Variants in RABGAP1L observed in about 807,000 individuals in gnomAD.
RABGAP1L encodes the protein RAB GTPase activating protein 1 like.
Under a neutral mutation model 137.7 loss-of-function variants are expected in RABGAP1L, and 63 were observed. The observed-to-expected ratio is 0.46, with a 90% CI of 0.37 to 0.56. The LOEUF (loss-of-function observed/expected upper bound fraction) is 0.56, where lower values mean the gene tolerates loss of function less well. RABGAP1L is among the 20% of genes least tolerant of loss of function. The pLI is 0.00. For synonymous variants in RABGAP1L, 431 were observed against 433.7 expected (o/e 0.99, Z 0.08); for missense variants, 1,095 against 1,244.0 (o/e 0.88, Z 1.80).
chr1:174,496,693 G>A (rs956683065), intron 13 of RABGAP1L, among the ~76,000 whole-genome samples: 9 of 152,168 alleles, frequency 5.9e-5, no homozygotes, highest in African/African-American at 1.7e-4. Context: ...ACTAGCACGC[G>A]TGTCCTCTCC....
At chr1:174,444,602 A>G (rs1376184074) in intron 13 of RABGAP1L, among the ~76,000 whole-genome samples, 1 of 152,014 alleles carries the variant, frequency 6.6e-6, no homozygotes. Context: ...ACTTTTTATT[A>G]TTGCTTCAAT....
intron 18 of RABGAP1L, among the ~76,000 whole-genome samples, chr1:174,783,707 CT>C (rs34367315): frequency 6.0e-4 from 61 of 102,468 alleles, no homozygotes; most frequent in African/African-American, 6.5e-4. Flanking sequence ...TCTTCTTCTT[CT>C]TTTTTTTTTT....
intron 13 of RABGAP1L, among the ~76,000 whole-genome samples, chr1:174,496,807 A>G (rs930718613): frequency 2.6e-5 from 4 of 152,168 alleles, no homozygotes; most frequent in Non-Finnish European, 4.4e-5. Context: ...CTTTTTATGG[A>G]AAGATTGTTT....
intron 11 of RABGAP1L, among the ~76,000 whole-genome samples, chr1:174,329,796 C>A (rs1331649663): frequency 1.3e-5 from 2 of 151,030 alleles, no homozygotes. Context: ...AAGCTTCCAG[C>A]AAATTATGTT....
At chr1:174,853,194 T>A (rs943608312) in intron 19 of RABGAP1L, among the ~76,000 whole-genome samples, 11 of 149,780 alleles carry the variant, frequency 7.3e-5, no homozygotes, top group African/African-American at 2.5e-4. Flanking sequence ...CATAATATGA[T>A]AAGAATGCCA....
At chr1:174,296,336 C>T (rs905632613) in intron 10 of RABGAP1L, among the ~76,000 whole-genome samples, 1 of 152,182 alleles carries the variant, frequency 6.6e-6, no homozygotes, top group African/African-American at 2.4e-5. Flanking sequence ...AAAAGAGATG[C>T]TGGGTACAAA....
chr1:174,449,076 G>GCGTTTTC, intron 13 of RABGAP1L: 1 of 1,614,084 alleles, frequency 6.2e-7, no homozygotes, highest in East Asian at 2.2e-5. Context: ...CTCTCCAACA[G>GCGTTTTC]CGTTTTCCGG....
intron 13 of RABGAP1L, among the ~76,000 whole-genome samples, chr1:174,529,764 A>G (rs532935164): frequency 6.6e-6 from 1 of 152,094 alleles, no homozygotes; most frequent in East Asian, 1.9e-4. Context: ...TTGCTTTCAT[A>G]TTGGGTTGCT....
Position 174,752,297 on chromosome 1 carries a change from T to C in RABGAP1L, c.2170-16T>C. 2.5e-6 allele frequency: 4 copies of C among 1,569,846 alleles called. No homozygotes were observed. Among genetic ancestry groups the C allele is most frequent in the Non-Finnish European group, 3.5e-6 (4 of 1,152,152 alleles). ...CATGTGGCAGTACTAATCTTCACTT[T>C]CTTTTTCTATTTCAGGGTTTGAACA... On this transcript the variant is annotated splice_polypyrimidine_tract_variant and intron_variant, in intron 17 of 25. Transcript: ENST00000681986.
At chr1:174,660,407 C>T (rs762210862) in intron 14 of RABGAP1L, among the ~76,000 whole-genome samples, 1 of 152,140 alleles carries the variant, frequency 6.6e-6, no homozygotes, top group Non-Finnish European at 1.5e-5. Flanking sequence ...CACACGATTC[C>T]CTTGCCCAGC....
At chr1:174,641,100 C>G (rs991991206) in intron 14 of RABGAP1L, among the ~76,000 whole-genome samples, 8 of 151,574 alleles carry the variant, frequency 5.3e-5, no homozygotes, top group African/African-American at 1.7e-4. Flanking sequence ...GGAGCCTACA[C>G]TGGAGATATA....
At chr1:174,711,179 G>C (rs1409873263) in intron 17 of RABGAP1L, among the ~76,000 whole-genome samples, 2 of 151,884 alleles carry the variant, frequency 1.3e-5, no homozygotes, top group African/African-American at 4.8e-5. Context: ...ACGCTGGCCC[G>C]CAAGTGCCAT....
At chr1:174,464,045 G>A (rs889852478) in intron 13 of RABGAP1L, among the ~76,000 whole-genome samples, 10 of 152,040 alleles carry the variant, frequency 6.6e-5, no homozygotes, top group Non-Finnish European at 1.5e-4. Context: ...TTATTTGATA[G>A]CATTTACTAT....
Position 174,599,026 on chromosome 1 carries a change from C to T in RABGAP1L, c.1711-38349C>T, listed in dbSNP as rs911780539. Among the ~76,000 whole-genome samples the T allele has an allele frequency of 5.3e-5, 8 of 151,840 alleles. No homozygotes were observed. In the South Asian group the frequency reaches 8.3e-4, roughly 16 times the overall value. On this transcript the variant is annotated intron_variant, in intron 13 of 25. Transcript: ENST00000681986. ...CTCTCCTTCCCTTCCTTCCTTTTCC[C>T]GTTCTGTTGTTTTTGTGAAGGTTCT...
At chr1:174,265,443 C>T (rs1441128270) in intron 7 of RABGAP1L, among the ~76,000 whole-genome samples, 1 of 149,574 alleles carries the variant, frequency 6.7e-6, no homozygotes, top group Non-Finnish European at 1.5e-5. Flanking sequence ...TAAAAGTACT[C>T]ATATTTGGTG....
chr1:174,590,079 A>G (rs1008957309), intron 13 of RABGAP1L, among the ~76,000 whole-genome samples: 1 of 148,252 alleles, frequency 6.7e-6, no homozygotes, highest in African/African-American at 2.5e-5. Context: ...CTTCTAATCC[A>G]TGAACATGGA....
chr1:174,532,889 A>C (rs1385162211), intron 13 of RABGAP1L, among the ~76,000 whole-genome samples: 1 of 152,222 alleles, frequency 6.6e-6, no homozygotes, highest in Non-Finnish European at 1.5e-5. Context: ...CTGATAAAAA[A>C]CTATAGAATA....
intron 13 of RABGAP1L, among the ~76,000 whole-genome samples, chr1:174,556,257 A>C (rs1289479139): frequency 6.6e-6 from 1 of 152,046 alleles, no homozygotes; most frequent in Non-Finnish European, 1.5e-5. Context: ...TGGCTCCACA[A>C]AGTGCTGGGA....
At chr1:174,377,513 A>G (rs1558181042) in intron 12 of RABGAP1L, among the ~76,000 whole-genome samples, 1 of 152,214 alleles carries the variant, frequency 6.6e-6, no homozygotes, top group Admixed American at 6.5e-5. Flanking sequence ...GATTAGTGGC[A>G]TAGAAAAGAG....
Sources: gnomAD v4.1 joint callset for allele counts (sites outside exome capture counted in the v4.1 genomes callset) on GRCh38, gnomAD v4.1.1 for gene constraint, MANE v1.5 for transcripts, NCBI Gene and HGNC (gene_info 2026-07-23, HGNC 2026-07-21) for gene names.